Variants in GABRP observed in about 807,000 individuals in gnomAD.
GABRP encodes the protein gamma-aminobutyric acid type A receptor subunit pi.
GABRP carries 52 observed loss-of-function variants against 47.8 expected under a neutral mutation model. The observed-to-expected ratio is 1.09, with a 90% CI of 0.87 to 1.37. GABRP has a LOEUF of 1.37. Ranked by LOEUF, GABRP falls within the 40% of genes most tolerant of loss-of-function variation. The pLI is 0.00. For missense variants in GABRP, 525 were observed against 542.8 expected (o/e 0.97, Z 0.33); for synonymous variants, 221 against 205.8 (o/e 1.07, Z -0.63).
At position 170,808,731 on chromosome 5, in the gene GABRP, G is replaced by C; in HGVS notation, c.811G>C (p.Val271Leu). The change falls in exon 8 of 10, where the codon GTC becomes CTC. Residue 271 changes from valine (V) to leucine (L), a missense_variant. Transcript: ENST00000265294. ...WVSFWISLDS[V>L]PARTCIGVTT... ...TTCATTTTGGATCTCTCTCGATTCA[G>C]TCCCTGCAAGAACCTGCATTGGTAA... 1 of 1,614,094 alleles carries C rather than the reference G, an allele frequency of 6.2e-7. No homozygotes were observed. Among genetic ancestry groups the C allele is most frequent in the Non-Finnish European group, 8.5e-7 (1 of 1,180,000 alleles).
chr5:170,788,964 T>A (rs1316858114), intron 2 of GABRP, among the ~76,000 whole-genome samples, 165 bp from the exon 3 acceptor site: 3 of 152,126 alleles, frequency 2.0e-5, no homozygotes, highest in Admixed American at 1.3e-4. Context: ...AGATACTAAC[T>A]CAATAGCTGA....
chr5:170,799,028 G>A (rs1765516618), intron 6 of GABRP, among the ~76,000 whole-genome samples: 1 of 150,740 alleles, frequency 6.6e-6, no homozygotes, highest in Non-Finnish European at 1.5e-5. Flanking sequence ...AGAACATGCG[G>A]TGTTTGGTTT....
At chr5:170,783,448 T>TG (rs1180679008), upstream of GABRP, among the ~76,000 whole-genome samples, 1 of 151,860 alleles carries the variant, frequency 6.6e-6, no homozygotes, top group Non-Finnish European at 1.5e-5. Flanking sequence ...GCATAGTGGG[T>TG]GGGGGTCACC....
intron 6 of GABRP, among the ~76,000 whole-genome samples, chr5:170,798,105 G>A (rs1276389835): frequency 3.3e-5 from 5 of 152,194 alleles, no homozygotes; most frequent in Non-Finnish European, 7.3e-5. Context: ...GTGGTGGCGC[G>A]ATCTCGGCTC....
chr5:170,803,749 G>T (rs1412990398), intron 6 of GABRP, among the ~76,000 whole-genome samples: 4 of 107,794 alleles, frequency 3.7e-5, no homozygotes, highest in Admixed American at 3.2e-4. Context: ...TATGTGGTTG[G>T]TTGGTTGGTT....
At chr5:170,790,576 G>A (rs545149515) in intron 3 of GABRP, among the ~76,000 whole-genome samples, 114 of 152,074 alleles carry the variant, frequency 7.5e-4, no homozygotes, top group Non-Finnish European at 1.4e-3. Context: ...ATGAGGCAGC[G>A]GGAGAGGCAA....
intron 6 of GABRP, among the ~76,000 whole-genome samples, chr5:170,798,616 A>T (rs1263840911): frequency 6.6e-6 from 1 of 151,808 alleles, no homozygotes; most frequent in African/African-American, 2.4e-5. Context: ...TTTGCCACCC[A>T]CCCACCCTTA....
chr5:170,805,733 G>GCCAGGGGGCT lies in GABRP; in HGVS notation c.559_560insCCAGGGGGCT (p.Asp187AlafsTer48). On this transcript the variant is annotated frameshift_variant, in exon 7 of 10. Coordinates refer to ENST00000265294, the MANE Select transcript of GABRP (RefSeq NM_014211.3). LOFTEE classifies it high-confidence loss of function. The stretch of plus-strand genomic sequence containing the variant: ...TTTGCCAGGGGGCTATGATGGAAAT[G>GCCAGGGGGCT]ATGTGGAGTTCACCTGGCTGAGAGG... The GCCAGGGGGCT allele has an allele frequency of 6.2e-7, 1 of 1,614,202 alleles. No individual in the cohort carries two copies. The highest frequency in any genetic ancestry group is 1.1e-5 in the South Asian group (1 of 91,084).
At chr5:170,805,330 T>C (rs1765701851) in intron 6 of GABRP, among the ~76,000 whole-genome samples, 1 of 152,144 alleles carries the variant, frequency 6.6e-6, no homozygotes, top group African/African-American at 2.4e-5. Flanking sequence ...AACAGATCAG[T>C]TCTTAAGTCC....
At chr5:170,788,297 C>A in intron 1 of GABRP, 1 of 232,374 alleles carries the variant, frequency 4.3e-6, no homozygotes, top group Non-Finnish European at 8.2e-6. Context: ...TGCAGTGAAC[C>A]GAGATCATGT....
chr5:170,809,826 A>C, intron 9 of GABRP, 71 bp downstream of exon 9: 5 of 1,461,212 alleles, frequency 3.4e-6, no homozygotes, highest in Non-Finnish European at 4.7e-6. Context: ...CATGGGCTGG[A>C]CCTGGCTTCT....
chr5:170,807,840 A>G (rs1402776345), intron 7 of GABRP, among the ~76,000 whole-genome samples: 1 of 152,130 alleles, frequency 6.6e-6, no homozygotes, highest in East Asian at 1.9e-4. Context: ...AGCAGCTCCC[A>G]TTCACCATCC....
At chr5:170,803,217 C>T (rs1055142472) in intron 6 of GABRP, among the ~76,000 whole-genome samples, 3 of 152,244 alleles carry the variant, frequency 2.0e-5, no homozygotes, top group East Asian at 1.9e-4. Flanking sequence ...CTGGGGAGGG[C>T]GAGATAACCC....
At chr5:170,802,897 G>A (rs1156604107) in intron 6 of GABRP, among the ~76,000 whole-genome samples, 1 of 152,174 alleles carries the variant, frequency 6.6e-6, no homozygotes, top group Non-Finnish European at 1.5e-5. Context: ...TTTGGGTACA[G>A]AAACCTCACT....
chr5:170,803,742 G>GTGGTTGGTTGGTTGGT (rs3079467), intron 6 of GABRP, among the ~76,000 whole-genome samples: 11 of 148,128 alleles, frequency 7.4e-5, no homozygotes, highest in Admixed American at 2.7e-4. Context: ...CATGCACTAT[G>GTGGTTGGTTGGTTGGT]TGGTTGGTTG....
At chr5:170,797,611 A>G (rs927541409) in intron 6 of GABRP, 63 bp downstream of exon 6, 2 of 968,246 alleles carry the variant, frequency 2.1e-6, no homozygotes, top group Non-Finnish European at 3.4e-6. Flanking sequence ...GTGTGTATTC[A>G]TGAAAAGTAT....
At chr5:170,788,780 A>G (rs946541124) in intron 2 of GABRP, 112 bp downstream of exon 2, 11 of 972,500 alleles carry the variant, frequency 1.1e-5, no homozygotes, top group Admixed American at 3.5e-5. Context: ...AACCCGGTCC[A>G]CTCACTTCCC....
At chr5:170,808,117 G>T (rs2127265676) in intron 7 of GABRP, among the ~76,000 whole-genome samples, 1 of 152,234 alleles carries the variant, frequency 6.6e-6, no homozygotes, top group South Asian at 2.1e-4. Context: ...CCTAAGGATG[G>T]CCCTGAAGTA....
intron 1 of GABRP, among the ~76,000 whole-genome samples, chr5:170,784,205 A>T (rs1186153952): frequency 6.6e-6 from 1 of 152,076 alleles, no homozygotes; most frequent in African/African-American, 2.4e-5. Flanking sequence ...TTCGGGCTCT[A>T]CTCCTGCTTT....
Sources: allele counts gnomAD v4.1 joint callset (sites outside exome capture counted in the v4.1 genomes callset), GRCh38; gene constraint gnomAD v4.1.1; transcripts MANE v1.5; gene names NCBI Gene and HGNC (gene_info 2026-07-23, HGNC 2026-07-21).